NTSR1: variants seen among roughly 807,000 people sequenced by gnomAD.
The protein encoded by NTSR1 is neurotensin receptor type 1.
A neutral mutation model predicts 31.2 loss-of-function variants in NTSR1; 29 were observed. The ratio of observed to expected loss-of-function variants is 0.93; its 90% CI spans 0.69 to 1.27. NTSR1 has a LOEUF of 1.27. Ranked by LOEUF, NTSR1 falls within the 50% of genes most tolerant of loss-of-function variation. The pLI, the probability that NTSR1 is intolerant of heterozygous loss-of-function variation, is 0.00. For missense variants in NTSR1, 697 were observed against 595.4 expected (o/e 1.17, Z -1.78); for synonymous variants, 282 against 269.9 (o/e 1.04, Z -0.44).
At position 62,733,895 on chromosome 20, in the gene NTSR1, G is replaced by T. The variant is rs1259983010; in HGVS notation, c.715-20790G>T. Among the ~76,000 whole-genome samples, 1 of 152,160 alleles carries T rather than the reference G, an allele frequency of 6.6e-6. No homozygotes were observed. Among genetic ancestry groups the T allele is most frequent in the Admixed American group, 6.5e-5 (1 of 15,280 alleles). On this transcript the variant is annotated intron_variant, in intron 1 of 3. Coordinates refer to ENST00000370501, the MANE Select transcript of NTSR1 (RefSeq NM_002531.3). This position sits in a 1 kb window ranked among gnomAD's most constrained non-coding sequence, Gnocchi z 5.2. ...CCTCCAGCAGGGAGTAGTGACTGAT[G>T]AATGTATGATTGCTACTTTATCTCA... is the stretch of plus-strand genomic sequence containing the variant.
intron 1 of NTSR1, among the ~76,000 whole-genome samples, chr20:62,746,273 C>T (rs1989299824): frequency 6.6e-6 from 1 of 152,328 alleles, no homozygotes; most frequent in African/African-American, 2.4e-5. Flanking sequence ...TCCCTGTAGG[C>T]TTGTGGGTGC....
intron 1 of NTSR1, among the ~76,000 whole-genome samples, chr20:62,723,219 T>G (rs185854251): frequency 1.6e-4 from 24 of 152,338 alleles, no homozygotes; most frequent in Admixed American, 7.8e-4. Context: ...GCTCTCAGCA[T>G]TCAGAGAGTA....
At chr20:62,729,027 G>T (rs1407758444) in intron 1 of NTSR1, among the ~76,000 whole-genome samples, 2 of 152,356 alleles carry the variant, frequency 1.3e-5, no homozygotes, top group East Asian at 3.9e-4. Flanking sequence ...CCAAGAGATG[G>T]ATGTCCAGTC....
chr20:62,750,983 C>T (rs1159525530), intron 1 of NTSR1, among the ~76,000 whole-genome samples: 1 of 152,208 alleles, frequency 6.6e-6, no homozygotes, highest in Non-Finnish European at 1.5e-5. Flanking sequence ...TCAAACAATC[C>T]TCCCATCTCA....
intron 1 of NTSR1, among the ~76,000 whole-genome samples, chr20:62,730,465 C>T (rs1452199211): frequency 6.6e-6 from 1 of 152,186 alleles, no homozygotes; most frequent in Non-Finnish European, 1.5e-5. Flanking sequence ...ATTCCATTAT[C>T]TGGATGTCCC....
intron 1 of NTSR1, among the ~76,000 whole-genome samples, chr20:62,740,457 G>A (rs142158877): frequency 0.019 from 2,869 of 148,474 alleles, 45 homozygotes; most frequent in Non-Finnish European, 0.028. Flanking sequence ...CTTACAAGCC[G>A]TGCAGGCCGG....
In NTSR1 at chr20:62,754,804, G is replaced by A. The variant is rs774735789; in HGVS notation, c.834G>A (p.Thr278=). The A allele has an allele frequency of 1.6e-5, 26 of 1,610,778 alleles. No homozygotes were observed. The highest frequency in any genetic ancestry group is 3.3e-4 in the Middle Eastern group (2 of 6,080). ...RQAAEQGQVC[T]VGGEHSTFSM... is the part of the protein sequence containing the mutation. ...CGGCCGAGCAGGGCCAAGTGTGCAC[G>A]GTCGGGGGCGAGCACAGCACATTCA... The change falls in exon 2 of 4, where the codon ACG becomes ACA. Residue 278 remains threonine (T), a synonymous_variant. Transcript: ENST00000370501.
rs1988684524 is a variant in NTSR1 at position 62,714,910 on chromosome 20, T to C, written c.714+4989T>C. Among the ~76,000 whole-genome samples, 1 of 152,090 alleles carries C rather than the reference T, an allele frequency of 6.6e-6. No homozygotes were observed. The highest frequency in any genetic ancestry group is 1.9e-4 in the East Asian group (1 of 5,198). On this transcript the variant is annotated intron_variant, in intron 1 of 3. Transcript: ENST00000370501. The surrounding 1 kb of genome is among the most constrained non-coding windows in gnomAD (Gnocchi z 4.1). ...TACAAATTCTTGTTGTCCAGAGCTG[T>C]TGTGGGTATGGTTTTCAAAATGGTC... is the stretch of plus-strand genomic sequence containing the variant.
intron 1 of NTSR1, among the ~76,000 whole-genome samples, chr20:62,751,075 C>A (rs1323039369): frequency 2.0e-5 from 3 of 152,104 alleles, no homozygotes; most frequent in East Asian, 1.9e-4. Flanking sequence ...TGGGGTCTCA[C>A]TGTGTTGCCC....
At chr20:62,752,825 GC>G (rs1989417054) in intron 1 of NTSR1, among the ~76,000 whole-genome samples, 3 of 152,110 alleles carry the variant, frequency 2.0e-5, no homozygotes, top group Admixed American at 1.3e-4. Context: ...GTTTTTACCT[GC>G]CCCCAGTCTC....
intron 1 of NTSR1, among the ~76,000 whole-genome samples, chr20:62,710,463 G>C (rs1988585412): frequency 6.6e-6 from 1 of 152,222 alleles, no homozygotes; most frequent in Non-Finnish European, 1.5e-5. Flanking sequence ...TCAGAAGGTA[G>C]AGCATTGGAG....
intron 1 of NTSR1, among the ~76,000 whole-genome samples, chr20:62,726,436 G>A (rs894520643): frequency 2.6e-5 from 4 of 152,162 alleles, no homozygotes; most frequent in Non-Finnish European, 5.9e-5. Flanking sequence ...GCTTAGAAAG[G>A]AAACCCAAGA....
rs1185233306 is a variant in NTSR1, at chr20:62,758,928, G to A, written c.1007+572G>A. Among the ~76,000 whole-genome samples the A allele has an allele frequency of 1.3e-5, 2 of 152,188 alleles. No individual in the cohort carries two copies. Among genetic ancestry groups the A allele is most frequent in the African/African-American group, 4.8e-5 (2 of 41,454 alleles). The stretch of plus-strand genomic sequence containing the variant: ...GGGGCCGATCACAGGGGCACCCACT[G>A]CCTGGCAAAACCCCTACTGTTTGCA... On this transcript the variant is annotated intron_variant, in intron 3 of 3. Transcript: ENST00000370501. This position sits in a 1 kb window ranked among gnomAD's most constrained non-coding sequence, Gnocchi z 4.5.
At chr20:62,749,825 G>A (rs1238506606) in intron 1 of NTSR1, among the ~76,000 whole-genome samples, 1 of 152,138 alleles carries the variant, frequency 6.6e-6, no homozygotes, top group East Asian at 1.9e-4. Flanking sequence ...GCGAAAAGGG[G>A]GCCCCGGTGC....
In NTSR1 at chr20:62,711,564, CCCCCGATCCCCCCGCTCAGAT is replaced by C. The variant is rs1255163347; in HGVS notation, c.714+1664_714+1684del. 1.4e-4 allele frequency among the ~76,000 whole-genome samples: 18 copies of C among 124,936 alleles called. No homozygotes were observed. Among genetic ancestry groups the C allele is most frequent in the Admixed American group, 1.7e-4 (2 of 11,466 alleles). The allele number at this position is 124,936 out of a possible 152,430, so 82.0% of individuals were successfully genotyped here. A position where few individuals can be genotyped will look rare whatever the true frequency, so the allele number is the denominator to read the frequency against. The stretch of plus-strand genomic sequence containing the variant: ...CAGACCCCGGATCCCCCCACTCAGA[CCCCCGATCCCCCCGCTCAGAT>C]CCCCGATCCCCCCGCTCAGAACCCC... On this transcript the variant is annotated intron_variant, in intron 1 of 3. Transcript: ENST00000370501. The surrounding 1 kb of genome is among the most constrained non-coding windows in gnomAD (Gnocchi z 6.4).
At position 62,745,021 on chromosome 20, in the gene NTSR1, C is replaced by T. The variant is rs974116148; in HGVS notation, c.715-9664C>T. On this transcript the variant is annotated intron_variant, in intron 1 of 3. Transcript: ENST00000370501. The surrounding 1 kb of genome is among the most constrained non-coding windows in gnomAD (Gnocchi z 4.1). ...AGACCACCACGGCTGTCACAGCAGACACCCCTGTCTCCCACCATGACCTTC... is the reference window on the plus strand; with the variant it reads ...AGACCACCACGGCTGTCACAGCAGATACCCCTGTCTCCCACCATGACCTTC... Among the ~76,000 whole-genome samples, 24 of 152,214 alleles carry T rather than the reference C, an allele frequency of 1.6e-4. No individual in the cohort carries two copies. Among genetic ancestry groups the T allele is most frequent in the Admixed American group, 2.6e-4 (4 of 15,286 alleles).
chr20:62,709,994 G>A (rs1443999962), intron 1 of NTSR1, 73 bp downstream of exon 1: 2 of 1,247,330 alleles, frequency 1.6e-6, no homozygotes, highest in Non-Finnish European at 2.2e-6. Flanking sequence ...TGTGCCTTCT[G>A]GGTAGGGAGT....
At chr20:62,725,271 C>G (rs1039198514) in intron 1 of NTSR1, among the ~76,000 whole-genome samples, 1 of 152,260 alleles carries the variant, frequency 6.6e-6, no homozygotes, top group African/African-American at 2.4e-5. Flanking sequence ...AGACCAGCAT[C>G]ATTCTGGCCT....
In NTSR1 at chr20:62,741,798, G is replaced by A. The variant is rs1989211819; in HGVS notation, c.715-12887G>A. On this transcript the variant is annotated intron_variant, in intron 1 of 3. Transcript: ENST00000370501. The surrounding 1 kb of genome is among the most constrained non-coding windows in gnomAD (Gnocchi z 4.3). ...ATGGCCCACAGAAGGCATCTGCTCA[G>A]GTGAGGTACATGCCACAAAGCTTCA... 2.0e-5 allele frequency among the ~76,000 whole-genome samples: 3 copies of A among 149,738 alleles called. 1 individual carries two copies. The Admixed American group carries it at 2.0e-4, about 10-fold the overall frequency.
Sources: allele counts gnomAD v4.1 joint callset (sites outside exome capture counted in the v4.1 genomes callset), GRCh38; gene constraint gnomAD v4.1.1; non-coding constraint Gnocchi (gnomAD v3.1); transcripts MANE v1.5; gene names NCBI Gene and HGNC (gene_info 2026-07-23, HGNC 2026-07-21).